SLC4A8: variants seen among roughly 807,000 people sequenced by gnomAD.
SLC4A8 encodes electroneutral sodium bicarbonate exchanger 1.
SLC4A8 carries 40 observed loss-of-function variants against 125.0 expected under a neutral mutation model. That is an observed-to-expected ratio of 0.32 (90% CI 0.25 to 0.42). The LOEUF (loss-of-function observed/expected upper bound fraction) is 0.42, where lower values mean the gene tolerates loss of function less well. Ranked by LOEUF, SLC4A8 falls within the 10% of genes least tolerant of loss-of-function variation. The probability of loss-of-function intolerance (pLI) is 1.00; values close to 1 mark genes in which losing one functional copy is unlikely to be tolerated. For missense variants in SLC4A8, 863 were observed against 1,355.1 expected (o/e 0.64, Z 5.70); for synonymous variants, 456 against 476.0 (o/e 0.96, Z 0.55).
At chr12:51,446,802 G>A (rs191418098) in intron 2 of SLC4A8, among the ~76,000 whole-genome samples, 4 of 152,300 alleles carry the variant, frequency 2.6e-5, no homozygotes, top group African/African-American at 9.6e-5. Context: ...ATGCTCTTCA[G>A]GGAGGTACTT....
rs1259953944 is a variant in SLC4A8 at position 51,514,235 on chromosome 12, A to G, written c.*6797A>G. On this transcript the variant is annotated 3_prime_UTR_variant, in exon 25 of 25. Transcript: ENST00000453097. ...TTTCCTTGAACTTCTCAGGTTTCCA[A>G]GCCACATCCTAGCAGGGCATCCAGG... 1 of 152,638 alleles carries G rather than the reference A, an allele frequency of 6.6e-6. No homozygotes were observed. Among genetic ancestry groups the G allele is most frequent in the Non-Finnish European group, 1.5e-5 (1 of 68,048 alleles). 9.5% of individuals were successfully genotyped at this position (152,638 alleles called of 1,614,324 possible).
chr12:51,432,579 T>A (rs1323673979), intron 1 of SLC4A8, among the ~76,000 whole-genome samples: 1 of 151,422 alleles, frequency 6.6e-6, no homozygotes, highest in Non-Finnish European at 1.5e-5. Flanking sequence ...AAAAATTAGC[T>A]GGGCGTGGTG....
intron 13 of SLC4A8, 38 bp from the exon 14 acceptor site, chr12:51,471,249 C>T: frequency 6.3e-7 from 1 of 1,588,450 alleles, no homozygotes; most frequent in Non-Finnish European, 8.6e-7. Context: ...TTAATGCCAT[C>T]CATCCATGCG....
At position 51,510,809 on chromosome 12, in the gene SLC4A8, ATTT is replaced by A. The variant is rs1214034983; in HGVS notation, c.*3373_*3375del. 138 of 152,242 alleles carry A rather than the reference ATTT, an allele frequency of 9.1e-4. No homozygotes were observed. Among genetic ancestry groups the A allele is most frequent in the African/African-American group, 3.1e-3 (129 of 41,520 alleles). 9.4% of individuals were successfully genotyped at this position (152,242 alleles called of 1,614,324 possible). A position where few individuals can be genotyped will look rare whatever the true frequency, so the allele number is the denominator to read the frequency against. The stretch of plus-strand genomic sequence containing the variant: ...GGCAAGTGCTCACGGGGCATGGGTG[ATTT>A]TGTCTAGTCTGGTCCTTTTGGACGT... On this transcript the variant is annotated 3_prime_UTR_variant, in exon 25 of 25. Transcript: ENST00000453097.
chr12:51,481,475 G>A (rs555572814), intron 16 of SLC4A8, among the ~76,000 whole-genome samples: 4 of 152,222 alleles, frequency 2.6e-5, no homozygotes, highest in Admixed American at 6.5e-5. Flanking sequence ...AAGTGCTGAC[G>A]AAGCTATCAC....
At chr12:51,425,225 G>A (rs1007834290) in intron 1 of SLC4A8, 190 bp downstream of exon 1, 59 of 1,380,864 alleles carry the variant, frequency 4.3e-5, no homozygotes, top group Non-Finnish European at 5.4e-5. Flanking sequence ...GCGAGAGAGT[G>A]ACCTTGGGCC....
At chr12:51,448,962 G>A (rs1006494351) in intron 2 of SLC4A8, among the ~76,000 whole-genome samples, 2 of 152,136 alleles carry the variant, frequency 1.3e-5, no homozygotes, top group Non-Finnish European at 2.9e-5. Context: ...TTTTTAAGAA[G>A]TCAGGAGAAA....
At chr12:51,463,122 G>C (rs978215484) in intron 10 of SLC4A8, among the ~76,000 whole-genome samples, 5 of 152,148 alleles carry the variant, frequency 3.3e-5, no homozygotes, top group Non-Finnish European at 5.9e-5. Context: ...TGACATATTA[G>C]AGATGGGAAA....
At chr12:51,468,067 T>C (rs1950575003) in intron 11 of SLC4A8, among the ~76,000 whole-genome samples, 1 of 152,256 alleles carries the variant, frequency 6.6e-6, no homozygotes, top group African/African-American at 2.4e-5. Flanking sequence ...TTCCTTTTTT[T>C]CTATGCCATT....
intron 5 of SLC4A8, among the ~76,000 whole-genome samples, chr12:51,457,111 A>G (rs1177531837): frequency 6.6e-6 from 1 of 152,216 alleles, no homozygotes; most frequent in African/African-American, 2.4e-5. Context: ...AAATTGTTGT[A>G]CTAGTGCTCA....
At position 51,464,064 on chromosome 12, in the gene SLC4A8, C is replaced by A. The variant is rs116308793; in HGVS notation, c.1349+350C>A. 8.7e-3 allele frequency among the ~76,000 whole-genome samples: 1,332 copies of A among 152,242 alleles called. 17 individuals are homozygous for A. The highest frequency in any genetic ancestry group is 0.03 in the African/African-American group (1,264 of 41,536). On this transcript the variant is annotated intron_variant, in intron 11 of 24. Transcript: ENST00000453097. ...CCTTTGGAAAGCCTTCTAGGACTCT[C>A]TCTGGATGAGGTTAGGTGTTCCTGC...
intron 1 of SLC4A8, among the ~76,000 whole-genome samples, chr12:51,417,949 G>A (rs1213359309): frequency 6.6e-6 from 1 of 152,238 alleles, no homozygotes; most frequent in Non-Finnish European, 1.5e-5. Flanking sequence ...ACCATATCTG[G>A]CTGTAAGTCT....
At position 51,402,503 on chromosome 12, in the gene SLC4A8, C is replaced by T. The variant is rs1029220438; in HGVS notation, c.-112+11015C>T. On this transcript the variant is annotated intron_variant, in intron 1 of 24. Transcript: ENST00000358657. ...TTGGGAGGCTAAGGTGCGTGGATCA[C>T]CTGAGGTCGGGAGTTTGGGACCAGC... Among the ~76,000 whole-genome samples, 5 of 152,140 alleles carry T rather than the reference C, an allele frequency of 3.3e-5. No homozygotes were observed. In the East Asian group the frequency reaches 5.8e-4, roughly 18 times the overall value.
chr12:51,513,225 G>A lies in SLC4A8; in HGVS notation c.*5787G>A. 6.6e-6 allele frequency: 1 copy of A among 152,246 alleles called. No individual in the cohort carries two copies. The highest frequency in any genetic ancestry group is 1.9e-4 in the East Asian group (1 of 5,202). The allele number at this position is 152,246 out of a possible 1,614,324, so 9.4% of individuals were successfully genotyped here. A position where few individuals can be genotyped will look rare whatever the true frequency, so the allele number is the denominator to read the frequency against. On this transcript the variant is annotated 3_prime_UTR_variant, in exon 25 of 25. Coordinates refer to ENST00000453097, the MANE Select transcript of SLC4A8 (RefSeq NM_001039960.3). ...AATATACTGTGAAATTGCCAAATAT[G>A]TTTGGTTGCAGAAAACACAGCCTGG...
intron 22 of SLC4A8, among the ~76,000 whole-genome samples, chr12:51,501,375 T>TA (rs1284485509): frequency 6.6e-6 from 1 of 152,194 alleles, no homozygotes; most frequent in Non-Finnish European, 1.5e-5. Context: ...TACCCAATGT[T>TA]TAGCCTCCAC....
chr12:51,453,269 TGAG>T (rs1950024433), intron 4 of SLC4A8, among the ~76,000 whole-genome samples: 1 of 152,188 alleles, frequency 6.6e-6, no homozygotes, highest in African/African-American at 2.4e-5. Context: ...GCAGGGTTAA[TGAG>T]GAATATAATA....
At chr12:51,436,888 A>C (rs1949439167) in intron 1 of SLC4A8, among the ~76,000 whole-genome samples, 1 of 152,146 alleles carries the variant, frequency 6.6e-6, no homozygotes. Context: ...TGGGCTCCCA[A>C]AGTGCTGGGA....
intron 13 of SLC4A8, among the ~76,000 whole-genome samples, chr12:51,470,822 G>A (rs1023034196): frequency 2.6e-5 from 4 of 151,256 alleles, no homozygotes; most frequent in Admixed American, 2.6e-4. Context: ...TCCATTGTGA[G>A]TCAATTTTTA....
intron 1 of SLC4A8, among the ~76,000 whole-genome samples, chr12:51,411,326 A>C (rs1201473397): frequency 6.6e-6 from 1 of 151,928 alleles, no homozygotes; most frequent in Non-Finnish European, 1.5e-5. Context: ...AGTGGCTCAC[A>C]CCTGTAATCC....
Sources: allele counts gnomAD v4.1 joint callset (sites outside exome capture counted in the v4.1 genomes callset), GRCh38; gene constraint gnomAD v4.1.1; transcripts MANE v1.5; gene names NCBI Gene and HGNC (gene_info 2026-07-23, HGNC 2026-07-21).